Variants in RBM33 observed in about 807,000 individuals in gnomAD.
RBM33 encodes RNA binding motif protein 33, also known as RNA-binding protein 33.
A neutral mutation model predicts 132.6 loss-of-function variants in RBM33; 28 were observed. The observed-to-expected ratio is 0.21, with a 90% CI of 0.16 to 0.29. The LOEUF (loss-of-function observed/expected upper bound fraction) is 0.29, where lower values mean the gene tolerates loss of function less well. Among genes scored for constraint, RBM33 ranks in the 10% least tolerant of loss-of-function variants. The pLI, the probability that RBM33 is intolerant of heterozygous loss-of-function variation, is 1.00. For missense variants in RBM33, 1,291 were observed against 1,518.5 expected, an observed-to-expected ratio of 0.85 and a Z score of 2.49; for synonymous variants, 634 against 593.0, an observed-to-expected ratio of 1.07 and a Z score of -1.01.
At chr7:155,676,217 G>A (rs1022309718) in intron 3 of RBM33, among the ~76,000 whole-genome samples, 7 of 152,184 alleles carry the variant, frequency 4.6e-5, no homozygotes, top group Non-Finnish European at 7.3e-5. Flanking sequence ...AAGTTCATTC[G>A]TGTCAAGAAG....
intron 9 of RBM33, among the ~76,000 whole-genome samples, chr7:155,725,078 A>G (rs924819787): frequency 1.3e-5 from 2 of 149,986 alleles, no homozygotes; most frequent in Non-Finnish European, 3.0e-5. Flanking sequence ...GTAAATGCCT[A>G]GGAGTGGATT....
In RBM33 at chr7:155,745,854, AGCCTGCTG is replaced by A; in HGVS notation, c.2979+253_2979+260del. 2.0e-6 allele frequency: 1 copy of A among 502,704 alleles called. No homozygotes were observed. The highest frequency in any genetic ancestry group is 3.6e-6 in the Non-Finnish European group (1 of 280,460). The allele number at this position is 502,704 out of a possible 1,614,324, so 31.1% of individuals were successfully genotyped here. On this transcript the variant is annotated intron_variant, in intron 14 of 17. Coordinates refer to ENST00000401878, the MANE Select transcript of RBM33 (RefSeq NM_053043.3). This position sits in a 1 kb window ranked among gnomAD's most constrained non-coding sequence, Gnocchi z 4.1. The stretch of plus-strand genomic sequence containing the variant: ...ATGTACTTCCATACACAGACGGTAC[AGCCTGCTG>A]CACACCTAGGCTATATGGTACAGCC...
intron 14 of RBM33, among the ~76,000 whole-genome samples, chr7:155,748,276 A>G (rs776432677): frequency 1.3e-5 from 2 of 152,012 alleles, no homozygotes; most frequent in African/African-American, 4.8e-5. Flanking sequence ...CCTTTTTTCT[A>G]ATTTAACTAG....
At chr7:155,736,146 T>C (rs75770210) in intron 9 of RBM33, among the ~76,000 whole-genome samples, 5,671 of 152,328 alleles carry the variant, frequency 0.037, 344 homozygotes, top group African/African-American at 0.13. Flanking sequence ...TTGTCTATTC[T>C]GTCAATGCCA....
chr7:155,711,118 A>G (rs1696698887), intron 7 of RBM33, 85 bp from the exon 8 acceptor site: 1 of 1,416,922 alleles, frequency 7.1e-7, no homozygotes, highest in Middle Eastern at 1.9e-4. Context: ...ACACATCAGC[A>G]TTCTTTTAAA....
At chr7:155,684,833 T>G (rs1799427969) in intron 5 of RBM33, 36 of 1,346,604 alleles carry the variant, frequency 2.7e-5, no homozygotes, top group Non-Finnish European at 3.6e-5. Flanking sequence ...AGTAAAACTT[T>G]CTACAATTAT....
At chr7:155,659,208 A>G (rs1306998924) in intron 1 of RBM33, among the ~76,000 whole-genome samples, 4 of 152,204 alleles carry the variant, frequency 2.6e-5, no homozygotes, top group African/African-American at 9.6e-5. Context: ...ACTACATTGT[A>G]TAGAAAGAAG....
Position 155,780,794 on chromosome 7 carries a change from C to CCA in RBM33, c.*5753_*5754insCA, listed in dbSNP as rs1802798403. 2 of 152,538 alleles carry CCA rather than the reference C, an allele frequency of 1.3e-5. No homozygotes were observed. Among genetic ancestry groups the CCA allele is most frequent in the Admixed American group, 6.5e-5 (1 of 15,278 alleles). The allele number at this position is 152,538 out of a possible 1,614,324, so 9.4% of individuals were successfully genotyped here. A position where few individuals can be genotyped will look rare whatever the true frequency, so the allele number is the denominator to read the frequency against. On this transcript the variant is annotated 3_prime_UTR_variant, in exon 18 of 18. Transcript: ENST00000401878. ...CACTGTGTTTACCACTCCATCACCT[C>CCA]TCAACCTTTGCTTCGACAGGTCTTC...
intron 6 of RBM33, chr7:155,701,483 T>G (rs954392552): frequency 1.9e-5 from 3 of 154,880 alleles, no homozygotes; most frequent in African/African-American, 7.2e-5. Context: ...TACTACAGAC[T>G]GCTGCTGATT....
chr7:155,654,130 C>G (rs944948702), intron 1 of RBM33, among the ~76,000 whole-genome samples: 1 of 152,168 alleles, frequency 6.6e-6, no homozygotes, highest in African/African-American at 2.4e-5. Context: ...CTACCCCACC[C>G]TCAAATAAAC....
chr7:155,718,956 C>T (rs954784301), intron 9 of RBM33, among the ~76,000 whole-genome samples: 2 of 152,126 alleles, frequency 1.3e-5, no homozygotes, highest in Non-Finnish European at 2.9e-5. Context: ...TATATTCTCT[C>T]TCTCTCTCTC....
intron 1 of RBM33, among the ~76,000 whole-genome samples, chr7:155,656,200 T>C (rs1798486314): frequency 6.6e-6 from 1 of 152,230 alleles, no homozygotes; most frequent in South Asian, 2.1e-4. Flanking sequence ...CCTGGTGAGA[T>C]TGGTGATGTT....
intron 16 of RBM33, among the ~76,000 whole-genome samples, chr7:155,767,702 G>A (rs1046417477): frequency 6.6e-6 from 1 of 152,190 alleles, no homozygotes; most frequent in African/African-American, 2.4e-5. Flanking sequence ...GTGTAGTAAT[G>A]GAAAGTTAAC....
intron 8 of RBM33, among the ~76,000 whole-genome samples, chr7:155,716,119 T>C (rs1446019857): frequency 6.6e-6 from 1 of 152,214 alleles, no homozygotes; most frequent in African/African-American, 2.4e-5. Flanking sequence ...GACTGGTCTC[T>C]AACATCACAC....
intron 16 of RBM33, among the ~76,000 whole-genome samples, chr7:155,772,659 A>C (rs1304006435): frequency 6.6e-6 from 1 of 152,222 alleles, no homozygotes; most frequent in African/African-American, 2.4e-5. Flanking sequence ...TTCAGAAAGA[A>C]GGGAGAAAGT....
intron 5 of RBM33, among the ~76,000 whole-genome samples, chr7:155,683,143 G>A (rs1366486095): frequency 2.0e-5 from 3 of 152,178 alleles, no homozygotes; most frequent in East Asian, 1.9e-4. Context: ...TGTTCTAGCC[G>A]TGGTCATTCT....
chr7:155,764,068 G>A, intron 15 of RBM33, 50 bp downstream of exon 15: 1 of 1,411,512 alleles, frequency 7.1e-7, no homozygotes. Flanking sequence ...AGGCCGGTGT[G>A]AGGCAGTGTT....
intron 4 of RBM33, 29 bp from the exon 5 acceptor site, chr7:155,680,561 C>CTTTTTT: frequency 4.6e-6 from 5 of 1,097,526 alleles, no homozygotes; most frequent in African/African-American, 1.6e-5. Context: ...TCATTGGGTG[C>CTTTTTT]TTTTTTTTTT....
intron 5 of RBM33, among the ~76,000 whole-genome samples, chr7:155,692,725 A>C (rs527314876): frequency 1.3e-5 from 2 of 152,348 alleles, no homozygotes; most frequent in Non-Finnish European, 2.9e-5. Context: ...GTTAGCTTGC[A>C]AGTAGAGTAA....
Sources: allele counts gnomAD v4.1 joint callset (sites outside exome capture counted in the v4.1 genomes callset), GRCh38; gene constraint gnomAD v4.1.1; non-coding constraint Gnocchi (gnomAD v3.1); transcripts MANE v1.5; gene names NCBI Gene and HGNC (gene_info 2026-07-23, HGNC 2026-07-21).